PCDH9: variants seen among roughly 807,000 people sequenced by gnomAD.
PCDH9 encodes the protein protocadherin 9.
Under a neutral mutation model 70.6 loss-of-function variants are expected in PCDH9, and 24 were observed. That is an observed-to-expected ratio of 0.34 (90% CI 0.25 to 0.48). The LOEUF (loss-of-function observed/expected upper bound fraction) is 0.48. PCDH9 is among the 20% of genes least tolerant of loss of function. PCDH9 has a pLI of 0.99. For synonymous variants in PCDH9, 562 were observed against 558.5 expected (o/e 1.01, Z -0.09); for missense variants, 1,281 against 1,503.6 (o/e 0.85, Z 2.45).
intron 2 of PCDH9, chr13:67,201,523 C>T (rs866141646): frequency 6.6e-6 from 1 of 151,848 alleles, no homozygotes; most frequent in African/African-American, 2.4e-5. Context: ...AAGAATTCTA[C>T]CAATTTTTAA....
At chr13:66,829,150 T>C (rs910448300) in intron 3 of PCDH9, among the ~76,000 whole-genome samples, 1 of 152,128 alleles carries the variant, frequency 6.6e-6, no homozygotes, top group Non-Finnish European at 1.5e-5. Context: ...CCCGAGTAGC[T>C]GGGACTACAG....
intron 4 of PCDH9, among the ~76,000 whole-genome samples, chr13:66,363,887 G>A (rs978268757): frequency 3.3e-5 from 5 of 152,120 alleles, no homozygotes; most frequent in Non-Finnish European, 5.9e-5. Flanking sequence ...AGGTGTGATG[G>A]ATCGTGCCTG....
At chr13:66,332,050 C>A (rs959735479) in intron 4 of PCDH9, among the ~76,000 whole-genome samples, 1 of 151,986 alleles carries the variant, frequency 6.6e-6, no homozygotes, top group South Asian at 2.1e-4. Context: ...GAGATGACAG[C>A]GACTCAAGGT....
At chr13:66,868,281 ATAAT>A (rs1233110660) in intron 3 of PCDH9, among the ~76,000 whole-genome samples, 4 of 152,032 alleles carry the variant, frequency 2.6e-5, no homozygotes, top group African/African-American at 9.7e-5. Flanking sequence ...ACAAAATTCT[ATAAT>A]TAGTTTTATA....
At chr13:66,319,230 C>T (rs138746202) in intron 4 of PCDH9, among the ~76,000 whole-genome samples, 139 of 152,034 alleles carry the variant, frequency 9.1e-4, no homozygotes, top group African/African-American at 3.0e-3. Flanking sequence ...ATGGCAATAG[C>T]GTGGGGAAAA....
chr13:67,098,281 T>C (rs989710872), intron 2 of PCDH9, among the ~76,000 whole-genome samples: 2 of 152,156 alleles, frequency 1.3e-5, no homozygotes, highest in African/African-American at 2.4e-5. Flanking sequence ...TCTCTAAGCA[T>C]TGGCATCTGT....
intron 4 of PCDH9, among the ~76,000 whole-genome samples, chr13:66,598,226 T>C (rs1008430907): frequency 3.3e-5 from 5 of 151,938 alleles, no homozygotes; most frequent in Middle Eastern, 3.4e-3. Context: ...ACAATCTCAC[T>C]TCTGGGTATC....
Position 66,739,758 on chromosome 13 carries a change from T to C in PCDH9, c.3139-108347A>G, listed in dbSNP as rs1291392571. Among the ~76,000 whole-genome samples, 5 of 148,414 alleles carry C rather than the reference T, an allele frequency of 3.4e-5. No individual in the cohort carries two copies. In the Admixed American group the frequency reaches 3.4e-4, roughly 10 times the overall value. ...AGAGACAAAGAAGGCCATTACATAA[T>C]GGTAAAGGGATCAATTCAACAAGAG... is the stretch of plus-strand genomic sequence containing the variant. On this transcript the variant is annotated intron_variant, in intron 3 of 4. Coordinates refer to ENST00000377865, the MANE Select transcript of PCDH9 (RefSeq NM_203487.3).
intron 4 of PCDH9, among the ~76,000 whole-genome samples, chr13:66,399,133 A>C (rs435967): frequency 0.022 from 3,380 of 152,214 alleles, 125 homozygotes; most frequent in African/African-American, 0.076. Context: ...TATTCTGTAG[A>C]TGCACAGTGG....
chr13:67,225,677 G>A lies in PCDH9; in HGVS notation c.2764C>T (p.Pro922Ser), dbSNP rs781356179. The change falls in exon 2 of 5, where the codon CCG (proline) becomes TCG (serine). Residue 922 changes from proline to serine, a missense_variant. Around this residue, in one of 4 missense-constraint regions of PCDH9, gnomAD observed 207 missense variants for 191.8 expected, o/e 1.08. Transcript: ENST00000377865. ...GGCTTGAATGTTGTTGGAGGTGCCG[G>A]GCCCCAGTCAAATCTTCCTATACTT... Reference protein sequence around the residue: ...EQSIGRFDWGPAPPTTFKPNS... With the variant: ...EQSIGRFDWGSAPPTTFKPNS... The A allele has an allele frequency of 1.3e-5, 21 of 1,613,980 alleles. No homozygotes were observed. In the South Asian group the frequency reaches 1.6e-4, roughly 13 times the overall value.
In PCDH9 at chr13:67,168,738, G is replaced by A. The variant is rs74881401; in HGVS notation, c.3036+56667C>T. 6.7e-3 allele frequency among the ~76,000 whole-genome samples: 1,018 copies of A among 152,210 alleles called. 13 individuals carry two copies. Among genetic ancestry groups the A allele is most frequent in the African/African-American group, 0.023 (959 of 41,540 alleles). ...CAACAGAGCAAGATCCTGGCTCCAA[G>A]TAAAATGTAGTAACAAGAATACATG... On this transcript the variant is annotated intron_variant, in intron 2 of 4. Transcript: ENST00000377865.
chr13:66,529,594 T>G (rs2138629127), intron 4 of PCDH9, among the ~76,000 whole-genome samples: 1 of 152,196 alleles, frequency 6.6e-6, no homozygotes, highest in East Asian at 1.9e-4. Flanking sequence ...AAAAACATAT[T>G]GGAATTAAAT....
At chr13:66,466,474 C>T (rs757175322) in intron 4 of PCDH9, among the ~76,000 whole-genome samples, 1 of 152,048 alleles carries the variant, frequency 6.6e-6, no homozygotes, top group Non-Finnish European at 1.5e-5. Context: ...CATCTTCCAA[C>T]TATTTGTTGC....
chr13:66,780,642 T>G (rs535770268), intron 3 of PCDH9, among the ~76,000 whole-genome samples: 3 of 152,254 alleles, frequency 2.0e-5, no homozygotes, highest in Admixed American at 1.3e-4. Context: ...TAGTCAATAT[T>G]CTTACCTTAC....
rs183555315 is a variant in PCDH9 at position 66,536,907 on chromosome 13, C to T, written c.3340+94303G>A. Reference sequence around the variant, plus strand: ...AAAAAAGTTGCAGAATTGCATTCAACTCATGAGTTTCCTATGACTCAGTCA... The same window carrying T: ...AAAAAAGTTGCAGAATTGCATTCAATTCATGAGTTTCCTATGACTCAGTCA... On this transcript the variant is annotated intron_variant, in intron 4 of 4. Transcript: ENST00000377865. 1.1e-3 allele frequency among the ~76,000 whole-genome samples: 165 copies of T among 152,164 alleles called. 1 individual carries two copies. Among genetic ancestry groups the T allele is most frequent in the African/African-American group, 3.9e-3 (161 of 41,534 alleles).
intron 4 of PCDH9, among the ~76,000 whole-genome samples, chr13:66,470,407 G>C (rs1958594802): frequency 6.6e-6 from 1 of 152,118 alleles, no homozygotes; most frequent in Admixed American, 6.5e-5. Context: ...ACTTTTGTAA[G>C]ATGCATTAAC....
intron 3 of PCDH9, among the ~76,000 whole-genome samples, chr13:66,847,387 C>G (rs938536267): frequency 6.6e-6 from 1 of 152,096 alleles, no homozygotes; most frequent in Non-Finnish European, 1.5e-5. Flanking sequence ...GTTCTAAGAT[C>G]CCTAGTGGGT....
In PCDH9 at chr13:67,227,678, C is replaced by T. The variant is rs753346051; in HGVS notation, c.763G>A (p.Gly255Ser). 2.5e-6 allele frequency: 4 copies of T among 1,613,836 alleles called. No individual in the cohort carries two copies. Among genetic ancestry groups the T allele is most frequent in the South Asian group, 2.2e-5 (2 of 91,062 alleles). The change falls in exon 2 of 5, where the codon GGT becomes AGT. Residue 255 changes from glycine to serine, a missense_variant. Coordinates refer to ENST00000377865, the MANE Select transcript of PCDH9 (RefSeq NM_203487.3). The surrounding 1 kb of genome is among the most constrained non-coding windows in gnomAD (Gnocchi z 4.6). The part of the protein sequence containing the change: ...VNDNRPVFKE[G>S]QVEVHIPENA... Reference sequence around the variant, plus strand: ...TCTGGAATATGCACCTCCACTTGACCCTCTTTAAACACTGGCCTGTTGTCA... The same window carrying T: ...TCTGGAATATGCACCTCCACTTGACTCTCTTTAAACACTGGCCTGTTGTCA...
intron 3 of PCDH9, among the ~76,000 whole-genome samples, chr13:66,714,285 G>A (rs1420152378): frequency 6.6e-6 from 1 of 151,958 alleles, no homozygotes; most frequent in Admixed American, 6.6e-5. Flanking sequence ...CTAACACTGT[G>A]AAACCCCATC....
Sources: gnomAD v4.1 joint callset for allele counts (sites outside exome capture counted in the v4.1 genomes callset) on GRCh38, gnomAD v4.1.1 for gene constraint, gnomAD v4.1.1 regional missense constraint, Gnocchi (gnomAD v3.1) non-coding constraint, MANE v1.5 for transcripts, NCBI Gene and HGNC (gene_info 2026-07-23, HGNC 2026-07-21) for gene names.